Variants in USP31 observed in about 807,000 individuals in gnomAD.
USP31 encodes ubiquitin specific peptidase 31, also known as ubiquitin carboxyl-terminal hydrolase 31.
USP31 carries 44 observed loss-of-function variants against 119.4 expected under a neutral mutation model. That is an observed-to-expected ratio of 0.37 (90% CI 0.29 to 0.47). The LOEUF (loss-of-function observed/expected upper bound fraction) is 0.47. USP31 is among the 20% of genes least tolerant of loss of function. The pLI is 0.99. For synonymous variants in USP31, 749 were observed against 705.6 expected, an observed-to-expected ratio of 1.06 and a Z score of -0.97; for missense variants, 1,643 against 1,730.2, an observed-to-expected ratio of 0.95 and a Z score of 0.89.
At position 23,066,905 on chromosome 16, in the gene USP31, C is replaced by T. The variant is rs1900095638; in HGVS notation, c.*1141G>A. On this transcript the variant is annotated 3_prime_UTR_variant, in exon 16 of 16. Coordinates refer to ENST00000219689, the MANE Select transcript of USP31 (RefSeq NM_020718.4). The stretch of plus-strand genomic sequence containing the variant: ...AATAAATGAGTTACTGAAAGGCAGC[C>T]CTAACAGAGACTGACAGACAGGATC... The T allele has an allele frequency of 6.6e-6, 1 of 152,138 alleles. No individual in the cohort carries two copies. Among genetic ancestry groups the T allele is most frequent in the Non-Finnish European group, 1.5e-5 (1 of 68,012 alleles). 9.4% of individuals were successfully genotyped at this position (152,138 alleles called of 1,614,324 possible).
chr16:23,107,905 C>T, intron 2 of USP31, 141 bp downstream of exon 2: 1 of 1,016,546 alleles, frequency 9.8e-7, no homozygotes. Flanking sequence ...AATGAAATGT[C>T]CTTTAAGTAG....
chr16:23,106,264 G>A lies in USP31; in HGVS notation c.902C>T (p.Thr301Ile). ...TCPHCQKQSN[T>I]FDPFLCISLP... Reference sequence around the variant, plus strand: ...AGAAATGCAAAGGAAAGGATCAAAAGTGTTGCTCTGTTTCTGACAATGAGG... The same window carrying A: ...AGAAATGCAAAGGAAAGGATCAAAAATGTTGCTCTGTTTCTGACAATGAGG... The change falls in exon 4 of 16, where the codon ACT (threonine) becomes ATT (isoleucine). Residue 301 changes from threonine to isoleucine, a missense_variant. Coordinates refer to ENST00000219689, the MANE Select transcript of USP31 (RefSeq NM_020718.4). 1 of 1,614,190 alleles carries A rather than the reference G, an allele frequency of 6.2e-7. No individual in the cohort carries two copies. Among genetic ancestry groups the A allele is most frequent in the Non-Finnish European group, 8.5e-7 (1 of 1,180,040 alleles).
At chr16:23,136,234 T>C (rs975260673) in intron 1 of USP31, among the ~76,000 whole-genome samples, 2 of 152,054 alleles carry the variant, frequency 1.3e-5, no homozygotes, top group Admixed American at 1.3e-4. Flanking sequence ...ACATAAGAAC[T>C]AAAACTATAA....
rs1000170636 is a variant in USP31 at position 23,068,337 on chromosome 16, C to T, written c.3768G>A (p.Gly1256=). 3.1e-6 allele frequency: 5 copies of T among 1,614,046 alleles called. No homozygotes were observed. The highest frequency in any genetic ancestry group is 4.2e-6 in the Non-Finnish European group (5 of 1,180,022). ...KTALLSKKAG[G]SSVKSVCKNT... ...TCTTACAGACAGACTTAACAGAGCT[C>T]CCACCAGCCTTTTTAGAGAGCAAGG... The change falls in exon 16 of 16, where the codon GGG becomes GGA. Residue 1256 remains glycine, a synonymous_variant. Transcript: ENST00000219689.
chr16:23,132,241 CAAT>C (rs999421576), intron 1 of USP31, among the ~76,000 whole-genome samples: 4 of 150,952 alleles, frequency 2.6e-5, no homozygotes, highest in East Asian at 1.9e-4. Context: ...GCAGAGCAAA[CAAT>C]AATATTTTTG....
Position 23,072,098 on chromosome 16 carries a change from A to G in USP31, c.2435T>C (p.Leu812Pro). ...TSAASSRRTS[L>P]ASLSESVEMT... is the part of the protein sequence containing the mutation. ...CTCCACGGACTCAGAGAGCGACGCC[A>G]GGGAGGTGCGTCTGGAGGAAGCTGC... Residue 812 changes from leucine to proline, a missense_variant, in exon 15 of 16, where the codon CTG (leucine) becomes CCG (proline). Physicochemically the swap from Leu to Pro is moderately conservative, Grantham distance 98. This residue lies in a region of USP31 where 279 missense variants were observed against 372.2 expected (regional missense o/e 0.75). Coordinates refer to ENST00000219689, the MANE Select transcript of USP31 (RefSeq NM_020718.4). The G allele has an allele frequency of 6.2e-7, 1 of 1,613,700 alleles. No homozygotes were observed. The highest frequency in any genetic ancestry group is 8.5e-7 in the Non-Finnish European group (1 of 1,180,000).
At position 23,119,477 on chromosome 16, in the gene USP31, C is replaced by T. The variant is rs183106745; in HGVS notation, c.634-11294G>A. Among the ~76,000 whole-genome samples, 240 of 152,258 alleles carry T rather than the reference C, an allele frequency of 1.6e-3. 2 individuals carry two copies. The highest frequency in any genetic ancestry group is 5.6e-4 in the Non-Finnish European group (38 of 68,036). On this transcript the variant is annotated intron_variant, in intron 1 of 15. Transcript: ENST00000219689. ...CCCATAATCCTTCTTCAACAAAGTA[C>T]CTTAAAATGATTTGTCCCCATATAG...
rs564671434 is a variant in USP31, at chr16:23,103,485, T to C, written c.1090-1022A>G. Among the ~76,000 whole-genome samples, 3 of 152,322 alleles carry C rather than the reference T, an allele frequency of 2.0e-5. No individual in the cohort carries two copies. The South Asian group carries it at 6.2e-4, about 32-fold the overall frequency. On this transcript the variant is annotated intron_variant, in intron 5 of 15. Coordinates refer to ENST00000219689, the MANE Select transcript of USP31 (RefSeq NM_020718.4). ...AAATGATTCTACTTATATAAAATAA[T>C]GTATATATGCATGGAAAAAATCTAA...
rs145009229 is a variant in USP31 at position 23,123,487 on chromosome 16, G to A, written c.634-15304C>T. On this transcript the variant is annotated intron_variant, in intron 1 of 15. Coordinates refer to ENST00000219689, the MANE Select transcript of USP31 (RefSeq NM_020718.4). Reference sequence around the variant, plus strand: ...TGGGAGGTGGAGGATGCAGTGAGCCGAGATCATGCCACTGCACACCAGCCT... The same window carrying A: ...TGGGAGGTGGAGGATGCAGTGAGCCAAGATCATGCCACTGCACACCAGCCT... Among the ~76,000 whole-genome samples, 129 of 152,080 alleles carry A rather than the reference G, an allele frequency of 8.5e-4. 1 individual carries two copies. Among genetic ancestry groups the A allele is most frequent in the African/African-American group, 2.9e-3 (121 of 41,464 alleles).
At position 23,087,105 on chromosome 16, in the gene USP31, G is replaced by C. The variant is rs1901143859; in HGVS notation, c.1609C>G (p.Pro537Ala). The change falls in exon 9 of 16, where the codon CCA becomes GCA. Residue 537 changes from proline (P) to alanine (A), a missense_variant. Pro to Ala is a conservative substitution (Grantham distance 27). This residue lies in a region of USP31 where 219 missense variants were observed against 226.4 expected (regional missense o/e 0.97). Transcript: ENST00000219689. ...AATTTTTTTTACCTTTCTACTATTG[G>C]GTGGCACAAGGGCTGCTCCTCCTGG... ...LPQEEQPLCH[P>A]IVERALKSCG... The C allele has an allele frequency of 6.2e-7, 1 of 1,611,802 alleles. No individual in the cohort carries two copies. Among genetic ancestry groups the C allele is most frequent in the African/African-American group, 1.3e-5 (1 of 74,722 alleles).
At chr16:23,093,920 C>A (rs1363289665) in intron 6 of USP31, among the ~76,000 whole-genome samples, 1 of 152,190 alleles carries the variant, frequency 6.6e-6, no homozygotes, top group East Asian at 1.9e-4. Flanking sequence ...CTGCAGCTCC[C>A]AGCATGATCG....
chr16:23,096,951 C>G (rs1901638444), intron 6 of USP31, among the ~76,000 whole-genome samples: 7 of 152,046 alleles, frequency 4.6e-5, no homozygotes, highest in Admixed American at 4.6e-4. Context: ...CAAGAGCAAA[C>G]ACATTCAAAA....
At chr16:23,083,053 C>T (rs1396360975) in intron 11 of USP31, among the ~76,000 whole-genome samples, 1 of 152,058 alleles carries the variant, frequency 6.6e-6, no homozygotes, top group African/African-American at 2.4e-5. Flanking sequence ...TGCTCTTGAA[C>T]TCGTGAACTC....
intron 1 of USP31, among the ~76,000 whole-genome samples, chr16:23,125,811 T>G (rs1194028606): frequency 6.6e-6 from 1 of 152,246 alleles, no homozygotes; most frequent in African/African-American, 2.4e-5. Context: ...GGTCAGGGAA[T>G]AAGTTCTTAC....
chr16:23,120,901 A>G (rs1385100890), intron 1 of USP31, among the ~76,000 whole-genome samples: 1 of 152,192 alleles, frequency 6.6e-6, no homozygotes, highest in Non-Finnish European at 1.5e-5. Flanking sequence ...AAAGATCCAT[A>G]TATTTCTTCT....
chr16:23,132,690 G>A (rs1420110089), intron 1 of USP31, among the ~76,000 whole-genome samples: 1 of 152,164 alleles, frequency 6.6e-6, no homozygotes, highest in East Asian at 1.9e-4. Context: ...ACATTGCACA[G>A]TACCTGAAAA....
chr16:23,113,235 T>G (rs146881377), intron 1 of USP31, among the ~76,000 whole-genome samples: 29 of 152,018 alleles, frequency 1.9e-4, no homozygotes, highest in African/African-American at 7.0e-4. Flanking sequence ...TTTGAACAAG[T>G]TGCATTTGAG....
At chr16:23,088,912 G>A (rs888126738) in intron 7 of USP31, among the ~76,000 whole-genome samples, 2 of 152,244 alleles carry the variant, frequency 1.3e-5, no homozygotes, top group African/African-American at 2.4e-5. Flanking sequence ...CCAGAGGGAA[G>A]TAGAGGTGCT....
chr16:23,072,041 C>A lies in USP31; in HGVS notation c.2488+4G>T. 6.2e-7 allele frequency: 1 copy of A among 1,607,928 alleles called. No homozygotes were observed. Among genetic ancestry groups the A allele is most frequent in the Non-Finnish European group, 8.5e-7 (1 of 1,175,816 alleles). On this transcript the variant is annotated splice_donor_region_variant and intron_variant, in intron 15 of 15. Coordinates refer to ENST00000219689, the MANE Select transcript of USP31 (RefSeq NM_020718.4). The stretch of plus-strand genomic sequence containing the variant: ...GGAAATTTGTCACCAAAACCCACAC[C>A]CACCATCATCTTCACTCCTTTCTCC...
Sources: allele counts gnomAD v4.1 joint callset (sites outside exome capture counted in the v4.1 genomes callset), GRCh38; gene constraint gnomAD v4.1.1; regional missense constraint gnomAD v4.1.1; transcripts MANE v1.5; gene names NCBI Gene and HGNC (gene_info 2026-07-23, HGNC 2026-07-21).